Variants in SLC24A3 observed in about 807,000 individuals in gnomAD.
SLC24A3 encodes solute carrier family 24 member 3.
A neutral mutation model predicts 75.8 loss-of-function variants in SLC24A3; 28 were observed. That is an observed-to-expected ratio of 0.37 (90% CI 0.27 to 0.51). The LOEUF (loss-of-function observed/expected upper bound fraction) is 0.51. Ranked by LOEUF, SLC24A3 falls within the 20% of genes least tolerant of loss-of-function variation. The probability of loss-of-function intolerance (pLI) is 0.94; values close to 1 mark genes in which losing one functional copy is unlikely to be tolerated. For synonymous variants in SLC24A3, 372 were observed against 334.1 expected (o/e 1.11, Z -1.24); for missense variants, 663 against 847.8 (o/e 0.78, Z 2.71).
At position 19,653,037 on chromosome 20, in the gene SLC24A3, C is replaced by G. The variant is rs1329955665; in HGVS notation, c.613-1025C>G. Among the ~76,000 whole-genome samples, 7 of 151,714 alleles carry G rather than the reference C, an allele frequency of 4.6e-5. No individual in the cohort carries two copies. In the East Asian group the frequency reaches 1.4e-3, roughly 30 times the overall value. On this transcript the variant is annotated intron_variant, in intron 6 of 16. Transcript: ENST00000328041. ...AACAAGGTGTGTGGACTCTCCCAGACTTATTTGTAAGGTCTGCCAAAGTGG... is the reference window on the plus strand; with the variant it reads ...AACAAGGTGTGTGGACTCTCCCAGAGTTATTTGTAAGGTCTGCCAAAGTGG...
intron 1 of SLC24A3, among the ~76,000 whole-genome samples, chr20:19,236,770 A>C (rs1000147240): frequency 6.6e-6 from 1 of 152,080 alleles, no homozygotes; most frequent in African/African-American, 2.4e-5. Flanking sequence ...ACAAAACAAA[A>C]CAAACAAAAA....
intron 9 of SLC24A3, among the ~76,000 whole-genome samples, chr20:19,679,275 C>T (rs1374143461): frequency 6.6e-6 from 1 of 152,166 alleles, no homozygotes; most frequent in Non-Finnish European, 1.5e-5. Context: ...CCGAGGCTGG[C>T]GGATCACTCG....
intron 6 of SLC24A3, among the ~76,000 whole-genome samples, chr20:19,635,195 T>C (rs2031985419): frequency 6.6e-6 from 1 of 152,232 alleles, no homozygotes; most frequent in Non-Finnish European, 1.5e-5. Context: ...GATGAGTCCA[T>C]CATTGCCCAG....
intron 3 of SLC24A3, among the ~76,000 whole-genome samples, chr20:19,574,019 C>T (rs2031093134): frequency 6.6e-6 from 1 of 152,220 alleles, no homozygotes; most frequent in Non-Finnish European, 1.5e-5. Context: ...TGTTGAAGGA[C>T]AGTAACTTAT....
chr20:19,475,093 C>T (rs1259025413), intron 2 of SLC24A3, among the ~76,000 whole-genome samples: 3 of 152,192 alleles, frequency 2.0e-5, no homozygotes, highest in African/African-American at 7.2e-5. Flanking sequence ...AATCCCAGCA[C>T]TTTCGGAGGC....
chr20:19,696,180 G>T (rs1319006333), intron 13 of SLC24A3: 2 of 151,924 alleles, frequency 1.3e-5, no homozygotes, highest in Non-Finnish European at 2.9e-5. Context: ...ACCATGCCCA[G>T]CTAATTTTTA....
intron 6 of SLC24A3, among the ~76,000 whole-genome samples, chr20:19,609,805 G>T (rs1372485473): frequency 6.6e-6 from 1 of 152,202 alleles, no homozygotes; most frequent in Non-Finnish European, 1.5e-5. Context: ...AATGGGAGAA[G>T]TGTCTTTCTC....
intron 2 of SLC24A3, among the ~76,000 whole-genome samples, chr20:19,364,692 C>A (rs1985853769): frequency 6.6e-6 from 1 of 152,110 alleles, no homozygotes; most frequent in Non-Finnish European, 1.5e-5. Context: ...TGGACTCAAG[C>A]TATCCTCCTG....
chr20:19,297,697 A>C (rs1180048675), intron 2 of SLC24A3, among the ~76,000 whole-genome samples: 3 of 152,224 alleles, frequency 2.0e-5, no homozygotes, highest in Non-Finnish European at 4.4e-5. Flanking sequence ...AATTTGTTGC[A>C]TGTATTTCTC....
intron 2 of SLC24A3, among the ~76,000 whole-genome samples, chr20:19,312,158 C>T (rs1261109729): frequency 1.3e-5 from 2 of 152,096 alleles, no homozygotes; most frequent in Non-Finnish European, 2.9e-5. Flanking sequence ...AGTGGGTGTC[C>T]CTCAGTGAGA....
chr20:19,710,545 GA>G (rs2032976647), intron 15 of SLC24A3, among the ~76,000 whole-genome samples: 1 of 152,212 alleles, frequency 6.6e-6, no homozygotes, highest in Non-Finnish European at 1.5e-5. Flanking sequence ...AACAATCTGA[GA>G]TGTGCCTCAC....
chr20:19,700,493 C>T (rs1231488634), intron 15 of SLC24A3, among the ~76,000 whole-genome samples: 1 of 152,114 alleles, frequency 6.6e-6, no homozygotes, highest in East Asian at 1.9e-4. Flanking sequence ...AAGAAGGATC[C>T]AGGTAATTAG....
chr20:19,614,967 A>G (rs1432226507), intron 6 of SLC24A3, among the ~76,000 whole-genome samples: 1 of 152,186 alleles, frequency 6.6e-6, no homozygotes, highest in Non-Finnish European at 1.5e-5. Flanking sequence ...TTTGCTCATC[A>G]TCCAAACCAT....
intron 4 of SLC24A3, among the ~76,000 whole-genome samples, chr20:19,582,854 G>C (rs537093091): frequency 6.6e-6 from 1 of 152,238 alleles, no homozygotes; most frequent in African/African-American, 2.4e-5. Flanking sequence ...AGGACCATGA[G>C]GTGGCAGGCC....
chr20:19,343,728 G>C (rs1985328399), intron 2 of SLC24A3, among the ~76,000 whole-genome samples: 1 of 152,184 alleles, frequency 6.6e-6, no homozygotes. Context: ...GCCAGTTCTA[G>C]TTGGAGCAGA....
intron 2 of SLC24A3, among the ~76,000 whole-genome samples, chr20:19,437,856 G>A (rs1987232750): frequency 6.6e-6 from 1 of 152,116 alleles, no homozygotes; most frequent in Non-Finnish European, 1.5e-5. Context: ...ATGGTGGTTG[G>A]TCATGCTTCC....
At chr20:19,705,957 A>G (rs899823248) in intron 15 of SLC24A3, among the ~76,000 whole-genome samples, 1 of 152,216 alleles carries the variant, frequency 6.6e-6, no homozygotes, top group Non-Finnish European at 1.5e-5. Flanking sequence ...CATTATGGTG[A>G]TGAACGTCTG....
chr20:19,240,906 A>G (rs1251004287), intron 1 of SLC24A3, among the ~76,000 whole-genome samples: 1 of 152,122 alleles, frequency 6.6e-6, no homozygotes, highest in Non-Finnish European at 1.5e-5. Flanking sequence ...GGAAGCTGAG[A>G]GCCAGGAGCA....
At chr20:19,428,763 T>C (rs1193844116) in intron 2 of SLC24A3, among the ~76,000 whole-genome samples, 1 of 150,028 alleles carries the variant, frequency 6.7e-6, no homozygotes, top group Non-Finnish European at 1.5e-5. Context: ...TGCAGCTTCC[T>C]TATCTACACC....
Sources: allele counts gnomAD v4.1 joint callset (sites outside exome capture counted in the v4.1 genomes callset), GRCh38; gene constraint gnomAD v4.1.1; transcripts MANE v1.5; gene names NCBI Gene and HGNC (gene_info 2026-07-23, HGNC 2026-07-21).